Variants in MDGA2 observed in about 807,000 individuals in gnomAD.
MDGA2 encodes the protein MAM domain-containing glycosylphosphatidylinositol anchor protein 2.
A neutral mutation model predicts 117.8 loss-of-function variants in MDGA2; 40 were observed. The observed-to-expected ratio is 0.34, with a 90% CI of 0.26 to 0.44. The LOEUF is 0.44. MDGA2 is among the 20% of genes least tolerant of loss of function. The pLI, the probability that MDGA2 is intolerant of heterozygous loss-of-function variation, is 1.00. For missense variants in MDGA2, 1,123 were observed against 1,250.6 expected, an observed-to-expected ratio of 0.90 and a Z score of 1.54; for synonymous variants, 452 against 439.0, an observed-to-expected ratio of 1.03 and a Z score of -0.37.
chr14:47,077,968 T>G (rs1197667224), intron 6 of MDGA2, among the ~76,000 whole-genome samples: 2 of 152,062 alleles, frequency 1.3e-5, no homozygotes, highest in African/African-American at 4.8e-5. Flanking sequence ...GGGGGACTAT[T>G]TATTTAAAAA....
At chr14:47,574,153 G>T (rs1333834993) in intron 1 of MDGA2, among the ~76,000 whole-genome samples, 1 of 152,142 alleles carries the variant, frequency 6.6e-6, no homozygotes, top group Non-Finnish European at 1.5e-5. Flanking sequence ...TCAGACCAAG[G>T]AAGAGAGCAG....
At chr14:47,368,001 C>T (rs181972787) in intron 1 of MDGA2, among the ~76,000 whole-genome samples, 51 of 152,174 alleles carry the variant, frequency 3.4e-4, no homozygotes, top group African/African-American at 9.9e-4. Flanking sequence ...AAGATATGGC[C>T]GGGCGTGGTG....
intron 3 of MDGA2, among the ~76,000 whole-genome samples, chr14:47,167,880 T>A (rs1883950600): frequency 6.6e-6 from 1 of 152,220 alleles, no homozygotes; most frequent in Admixed American, 6.5e-5. Flanking sequence ...GACTGCTGCC[T>A]GTGTAATGTC....
chr14:47,254,057 T>A (rs942620929), intron 2 of MDGA2, among the ~76,000 whole-genome samples: 5 of 152,198 alleles, frequency 3.3e-5, no homozygotes, highest in African/African-American at 1.2e-4. Flanking sequence ...CACCATGTCC[T>A]GAGGCTGCAT....
chr14:46,971,774 G>T (rs1886275292), intron 8 of MDGA2, among the ~76,000 whole-genome samples: 2 of 152,076 alleles, frequency 1.3e-5, no homozygotes, highest in South Asian at 2.1e-4. Context: ...GTATAGAAAT[G>T]ATAAATATTC....
At chr14:47,038,799 G>A (rs1388701266) in intron 7 of MDGA2, among the ~76,000 whole-genome samples, 4 of 151,538 alleles carry the variant, frequency 2.6e-5, no homozygotes, top group Admixed American at 1.3e-4. Context: ...AAAATTAGTC[G>A]GGCGTGGCAG....
chr14:47,386,206 C>T (rs908285312), intron 1 of MDGA2, among the ~76,000 whole-genome samples: 3 of 151,892 alleles, frequency 2.0e-5, no homozygotes, highest in African/African-American at 4.8e-5. Context: ...TGTTTGAACA[C>T]GGAGGCGGAA....
At chr14:47,511,630 A>C (rs981718199) in intron 1 of MDGA2, among the ~76,000 whole-genome samples, 1 of 152,178 alleles carries the variant, frequency 6.6e-6, no homozygotes. Context: ...AATGGACTTA[A>C]AACAGGACTT....
At chr14:47,335,734 T>TATATA (rs1555374518) in intron 1 of MDGA2, among the ~76,000 whole-genome samples, 3 of 48,034 alleles carry the variant, frequency 6.2e-5, no homozygotes, top group Non-Finnish European at 1.3e-4. Context: ...CACATATATT[T>TATATA]TATATATATA....
intron 1 of MDGA2, among the ~76,000 whole-genome samples, chr14:47,504,023 G>C (rs952344070): frequency 6.6e-6 from 1 of 151,954 alleles, no homozygotes; most frequent in Non-Finnish European, 1.5e-5. Context: ...TAATAACCTA[G>C]AATACACGGC....
chr14:47,033,663 C>G (rs1888740588), intron 8 of MDGA2, among the ~76,000 whole-genome samples: 1 of 152,092 alleles, frequency 6.6e-6, no homozygotes, highest in African/African-American at 2.4e-5. Flanking sequence ...ACATCTAAAA[C>G]CTGCCTTATT....
At chr14:46,932,518 TA>T (rs1391709930) in intron 9 of MDGA2, among the ~76,000 whole-genome samples, 1 of 152,144 alleles carries the variant, frequency 6.6e-6, no homozygotes, top group Non-Finnish European at 1.5e-5. Flanking sequence ...AGGATGAACA[TA>T]AATCTAGTTT....
chr14:46,850,729 A>C (rs903043940), intron 15 of MDGA2, among the ~76,000 whole-genome samples: 1 of 151,936 alleles, frequency 6.6e-6, no homozygotes. Context: ...AAACTACCCA[A>C]ATATGAACAG....
intron 1 of MDGA2, among the ~76,000 whole-genome samples, chr14:47,598,741 T>G (rs1249331302): frequency 6.6e-6 from 1 of 152,148 alleles, no homozygotes; most frequent in Admixed American, 6.5e-5. Context: ...AAGATTTGGG[T>G]ATAGATAGTG....
chr14:47,062,481 T>C (rs1163724111), intron 6 of MDGA2, among the ~76,000 whole-genome samples: 1 of 148,242 alleles, frequency 6.7e-6, no homozygotes, highest in Non-Finnish European at 1.5e-5. Flanking sequence ...ACAGTGATTC[T>C]CTTATACACA....
At chr14:47,113,079 T>C (rs575511980) in intron 5 of MDGA2, among the ~76,000 whole-genome samples, 20 of 152,284 alleles carry the variant, frequency 1.3e-4, no homozygotes, top group African/African-American at 4.8e-4. Flanking sequence ...TGCTAACTTT[T>C]TAACGGGAAT....
chr14:47,188,788 T>C (rs1885003887), intron 3 of MDGA2, among the ~76,000 whole-genome samples: 1 of 152,134 alleles, frequency 6.6e-6, no homozygotes, highest in Non-Finnish European at 1.5e-5. Context: ...GATTCATTTC[T>C]AGCACGTCAG....
rs140594926 is a variant in MDGA2 at position 47,403,957 on chromosome 14, C to A, written c.281-102407G>T. Among the ~76,000 whole-genome samples, 170 of 152,072 alleles carry A rather than the reference C, an allele frequency of 1.1e-3. 1 individual carries two copies. Among genetic ancestry groups the A allele is most frequent in the African/African-American group, 3.6e-3 (149 of 41,490 alleles). On this transcript the variant is annotated intron_variant, in intron 1 of 16. Transcript: ENST00000399232. Reference sequence around the variant, plus strand: ...CTAAGGCCTCCCTGATAGAACATACCCTTGTCTCACCATACAGCTGCACAA... The same window carrying A: ...CTAAGGCCTCCCTGATAGAACATACACTTGTCTCACCATACAGCTGCACAA...
intron 16 of MDGA2, among the ~76,000 whole-genome samples, chr14:46,844,536 G>T (rs1183687736): frequency 6.6e-6 from 1 of 151,792 alleles, no homozygotes; most frequent in Admixed American, 6.6e-5. Flanking sequence ...AGCAGAGATT[G>T]CACTGTTGCA....
Sources: gnomAD v4.1 joint callset for allele counts (sites outside exome capture counted in the v4.1 genomes callset) on GRCh38, gnomAD v4.1.1 for gene constraint, MANE v1.5 for transcripts, NCBI Gene and HGNC (gene_info 2026-07-23, HGNC 2026-07-21) for gene names.